HLTF: variants seen among roughly 807,000 people sequenced by gnomAD.
HLTF encodes the protein DNA-dependent ATPase/E3 ubiquitin-protein ligase HLTF.
In HLTF, 127 loss-of-function variants were observed where a neutral mutation model predicts 129.4. That is an observed-to-expected ratio of 0.98 (90% CI 0.85 to 1.14). HLTF has a LOEUF of 1.14. HLTF is among the 50% of genes most tolerant of loss of function. HLTF has a pLI of 0.00. For missense variants in HLTF, 1,139 were observed against 1,187.1 expected (o/e 0.96, Z 0.60); for synonymous variants, 332 against 388.8 (o/e 0.85, Z 1.72).
chr3:149,052,148 T>TAAAAAAA (rs1178338781), intron 14 of HLTF: 1 of 63,060 alleles, frequency 1.6e-5, no homozygotes, highest in African/African-American at 5.5e-5. Flanking sequence ...AGCAAGACTG[T>TAAAAAAA]AAAAAAAAAA....
At chr3:149,071,195 TC>T (rs1245097098) in intron 7 of HLTF, 56 bp downstream of exon 7, 1 of 1,138,972 alleles carries the variant, frequency 8.8e-7, no homozygotes, top group Non-Finnish European at 1.2e-6. Context: ...AAAATTACTT[TC>T]TAGAAAATCA....
chr3:149,081,273 A>C (rs1191495663), intron 2 of HLTF, among the ~76,000 whole-genome samples: 1 of 151,640 alleles, frequency 6.6e-6, no homozygotes, highest in African/African-American at 2.4e-5. Flanking sequence ...ACTAAAAAAA[A>C]AAAAACAAAA....
chr3:149,079,155 G>A (rs922018348), intron 2 of HLTF, among the ~76,000 whole-genome samples: 3 of 151,634 alleles, frequency 2.0e-5, no homozygotes, highest in African/African-American at 7.3e-5. Flanking sequence ...ACATACATAA[G>A]AGTACCATAA....
At position 149,081,012 on chromosome 3, in the gene HLTF, A is replaced by T. The variant is rs190799874; in HGVS notation, c.228+3670T>A. ...TTTTCATATTTTATACAATATTTTT[A>T]CTGTACTTTTTTCATGTTATATATG... On this transcript the variant is annotated intron_variant, in intron 2 of 24. Coordinates refer to ENST00000310053, the MANE Select transcript of HLTF (RefSeq NM_003071.4). Among the ~76,000 whole-genome samples the T allele has an allele frequency of 8.1e-3, 1,238 of 152,216 alleles. 4 individuals carry two copies. The highest frequency in any genetic ancestry group is 0.012 in the Non-Finnish European group (825 of 67,988).
intron 2 of HLTF, among the ~76,000 whole-genome samples, chr3:149,083,918 CA>C (rs1236381974): frequency 1.2e-5 from 1 of 81,226 alleles, no homozygotes; most frequent in Non-Finnish European, 2.5e-5. Context: ...AACTTGGTCT[CA>C]AAAAAAAAGA....
Position 149,086,456 on chromosome 3 carries a change from G to A in HLTF, c.-120C>T. The A allele has an allele frequency of 8.6e-7, 1 of 1,161,278 alleles. No individual in the cohort carries two copies. The highest frequency in any genetic ancestry group is 1.2e-6 in the Non-Finnish European group (1 of 805,560). The allele number at this position is 1,161,278 out of a possible 1,614,324, so 71.9% of individuals were successfully genotyped here. A position where few individuals can be genotyped will look rare whatever the true frequency, so the allele number is the denominator to read the frequency against. ...AGCCGGGGACAAATTCCGAGCGCCG[G>A]ATCAGGAGCGCACGACTGAAAGGTA... is the stretch of plus-strand genomic sequence containing the variant. On this transcript the variant is annotated 5_prime_UTR_variant, in exon 1 of 25. Coordinates refer to ENST00000310053, the MANE Select transcript of HLTF (RefSeq NM_003071.4).
At chr3:149,057,506 A>G (rs1300735243) in intron 13 of HLTF, among the ~76,000 whole-genome samples, 1 of 152,242 alleles carries the variant, frequency 6.6e-6, no homozygotes, top group Non-Finnish European at 1.5e-5. Context: ...CTTTTCATAT[A>G]TACTCGTCCT....
Position 149,060,342 on chromosome 3 carries a change from T to G in HLTF, c.1285+301A>C, listed in dbSNP as rs565259379. ...GACATTCTCAACCTAATTTTGTAAT[T>G]ACTATTCATACTACACACATAGGTT... On this transcript the variant is annotated intron_variant, in intron 12 of 24. Transcript: ENST00000310053. Among the ~76,000 whole-genome samples, 4 of 152,338 alleles carry G rather than the reference T, an allele frequency of 2.6e-5. No individual in the cohort carries two copies. In the South Asian group the frequency reaches 8.3e-4, roughly 32 times the overall value.
intron 4 of HLTF, 95 bp from the exon 5 acceptor site, chr3:149,073,417 G>C (rs1299228085): frequency 3.5e-6 from 3 of 855,466 alleles, no homozygotes; most frequent in African/African-American, 1.7e-5. Context: ...AACAGGGCTG[G>C]GTGCTGTGGC....
Position 149,032,223 on chromosome 3 carries a change from T to C in HLTF, c.3027A>G (p.Leu1009=), listed in dbSNP as rs1027324019. The stretch of plus-strand genomic sequence containing the variant: ...GACCTTACTAAAATCCCACAAATTA[T>C]AAGTCAATTAATGTTCTGATTTCAT... ...KINEIRTLID[L] is the part of the protein sequence containing the mutation. Residue 1009 remains leucine (L), a synonymous_variant, in exon 25 of 25, where the codon TTA becomes TTG. Transcript: ENST00000310053. 3 of 1,575,408 alleles carry C rather than the reference T, an allele frequency of 1.9e-6. No homozygotes were observed. The African/African-American group carries it at 4.2e-5, about 22-fold the overall frequency.
At chr3:149,044,886 C>G (rs1018090534) in intron 18 of HLTF, among the ~76,000 whole-genome samples, 2 of 152,046 alleles carry the variant, frequency 1.3e-5, no homozygotes, top group Non-Finnish European at 2.9e-5. Flanking sequence ...TAAAAACCAC[C>G]ATCATCTCTT....
At chr3:149,065,785 G>A (rs1337987212) in intron 8 of HLTF, among the ~76,000 whole-genome samples, 1 of 152,130 alleles carries the variant, frequency 6.6e-6, no homozygotes, top group East Asian at 1.9e-4. Context: ...AGCCAAGGTT[G>A]CGCCACTGCA....
intron 2 of HLTF, among the ~76,000 whole-genome samples, chr3:149,081,973 C>T (rs1327113025): frequency 1.3e-5 from 2 of 152,122 alleles, no homozygotes; most frequent in Non-Finnish European, 2.9e-5. Flanking sequence ...GATTACTATG[C>T]ACAATTCTAT....
At chr3:149,039,904 C>T in intron 21 of HLTF, 127 bp downstream of exon 21, 1 of 828,800 alleles carries the variant, frequency 1.2e-6, no homozygotes. Context: ...AAATAAAAAG[C>T]CAGTGGTCAA....
At chr3:149,075,205 A>G (rs1355861061) in intron 3 of HLTF, among the ~76,000 whole-genome samples, 1 of 152,208 alleles carries the variant, frequency 6.6e-6, no homozygotes. Context: ...GCAAAATGAA[A>G]TTCACCTACA....
intron 23 of HLTF, among the ~76,000 whole-genome samples, chr3:149,035,508 A>T (rs1715496402): frequency 6.6e-6 from 1 of 152,032 alleles, no homozygotes; most frequent in Admixed American, 6.6e-5. Flanking sequence ...AATAGAAAAA[A>T]TTAGCCGGGA....
intron 18 of HLTF, among the ~76,000 whole-genome samples, chr3:149,045,822 T>C (rs545750399): frequency 3.5e-4 from 53 of 152,304 alleles, no homozygotes; most frequent in African/African-American, 1.2e-3. Flanking sequence ...GCAAGCAAAA[T>C]CTTCTGGCTA....
chr3:149,061,216 C>A (rs952218577), intron 10 of HLTF, among the ~76,000 whole-genome samples: 1 of 151,904 alleles, frequency 6.6e-6, no homozygotes, highest in African/African-American at 2.4e-5. Flanking sequence ...ACTACAGGTG[C>A]GTGCCACTAC....
Position 149,059,704 on chromosome 3 carries a change from G to A in HLTF, c.1375+14C>T, listed in dbSNP as rs777517446. On this transcript the variant is annotated intron_variant, in intron 13 of 24. Transcript: ENST00000310053. ...AAAAAAACCAAAAACTAGAAAACAA[G>A]GATATTTACTGACCCTTTTTCAACA... is the stretch of plus-strand genomic sequence containing the variant. 2.7e-5 allele frequency: 40 copies of A among 1,478,744 alleles called. No individual in the cohort carries two copies. The highest frequency in any genetic ancestry group is 6.5e-5 in the Admixed American group (3 of 46,454). 91.6% of individuals were successfully genotyped at this position (1,478,744 alleles called of 1,614,324 possible).
Sources: allele counts gnomAD v4.1 joint callset (sites outside exome capture counted in the v4.1 genomes callset), GRCh38; gene constraint gnomAD v4.1.1; transcripts MANE v1.5; gene names NCBI Gene and HGNC (gene_info 2026-07-23, HGNC 2026-07-21).